Variants in L3HYPDH observed in about 807,000 individuals in gnomAD.
L3HYPDH encodes trans-L-3-hydroxyproline dehydratase.
A neutral mutation model predicts 26.5 loss-of-function variants in L3HYPDH; 32 were observed. The ratio of observed to expected loss-of-function variants is 1.21; its 90% CI spans 0.91 to 1.62. L3HYPDH has a LOEUF of 1.62. Ranked by LOEUF, L3HYPDH falls within the 40% of genes most tolerant of loss-of-function variation. The probability of loss-of-function intolerance (pLI) is 0.00; values close to 1 mark genes in which losing one functional copy is unlikely to be tolerated. For synonymous variants in L3HYPDH, 215 were observed against 196.6 expected, an observed-to-expected ratio of 1.09 and a Z score of -0.78; for missense variants, 554 against 476.4, an observed-to-expected ratio of 1.16 and a Z score of -1.52.
intron 1 of L3HYPDH, among the ~76,000 whole-genome samples, chr14:59,480,242 A>C (rs1479599211): frequency 6.6e-6 from 1 of 152,192 alleles, no homozygotes; most frequent in African/African-American, 2.4e-5. Context: ...CCTAGAGATA[A>C]ATTTTTTCTC....
At chr14:59,496,972 G>A in the L3HYPDH span, among the ~76,000 whole-genome samples, 2 of 149,932 alleles carry the variant, frequency 1.3e-5, no homozygotes, top group African/African-American at 4.9e-5. Context: ...TCCGAAGGTT[G>A]TAGGGCTACC....
chr14:59,469,989 G>C (rs1170280485), downstream of L3HYPDH, among the ~76,000 whole-genome samples: 4 of 152,164 alleles, frequency 2.6e-5, no homozygotes, highest in Admixed American at 1.3e-4. Context: ...GATAAAGAAA[G>C]CAAAGCTAGG....
upstream of L3HYPDH, chr14:59,486,941 C>G: frequency 1.5e-6 from 1 of 659,772 alleles, no homozygotes; most frequent in Non-Finnish European, 2.6e-6. Flanking sequence ...TGGCTCATGC[C>G]TGTAATCCCA....
At chr14:59,494,927 G>T in the L3HYPDH span, 5 of 888,666 alleles carry the variant, frequency 5.6e-6, no homozygotes, top group Non-Finnish European at 7.0e-6. Context: ...TATAGATTTA[G>T]AAATCTGTAT....
At chr14:59,502,485 AGAGAGTGAGTGGGGGAAAACAT>A in the L3HYPDH span, among the ~76,000 whole-genome samples, 19 of 152,286 alleles carry the variant, frequency 1.2e-4, 1 homozygote, top group Admixed American at 7.8e-4. Context: ...TACCTTAGTG[AGAGAGTGAGTGGGGGAAAACAT>A]CTAGGAATCA....
the L3HYPDH span, among the ~76,000 whole-genome samples, chr14:59,503,528 T>G: frequency 6.6e-6 from 1 of 152,146 alleles, no homozygotes; most frequent in East Asian, 1.9e-4. Context: ...TAAAGTGGAG[T>G]TTCCCTTCTA....
At position 59,484,219 on chromosome 14, in the gene L3HYPDH, C is replaced by A. The variant is rs769790957; in HGVS notation, c.98G>T (p.Arg33Leu). The change falls in exon 1 of 5, where the codon CGT becomes CTT. Residue 33 changes from arginine (R) to leucine (L), a missense_variant. By Grantham distance (102) the Arg-to-Leu change is moderately radical (BLOSUM62 -2). Transcript: ENST00000247194. ...CTCCGGACACCCCGCCAGCACGATA[C>A]GCAAGGGCTCGCCGCCCGTGTGCAT... Reference protein sequence around the residue: ...VDMHTGGEPLRIVLAGCPEVS... With the variant: ...VDMHTGGEPLLIVLAGCPEVS... The A allele has an allele frequency of 1.3e-6, 2 of 1,598,614 alleles. No homozygotes were observed. Among genetic ancestry groups the A allele is most frequent in the Admixed American group, 3.3e-5 (2 of 59,988 alleles).
upstream of L3HYPDH, chr14:59,484,575 A>AG: frequency 1.3e-6 from 2 of 1,574,114 alleles, no homozygotes; most frequent in South Asian, 2.3e-5. Flanking sequence ...CTCGAAAAAA[A>AG]CCTTCAGGCG....
At chr14:59,486,735 C>G, upstream of L3HYPDH, 1 of 1,592,706 alleles carries the variant, frequency 6.3e-7, no homozygotes. Flanking sequence ...AACCAGCATG[C>G]CTTGGACTTT....
chr14:59,505,199 G>T, the L3HYPDH span: 1 of 1,077,188 alleles, frequency 9.3e-7, no homozygotes, highest in Non-Finnish European at 1.3e-6. Flanking sequence ...TTTTCCTGTA[G>T]TAGTCTGTCT....
Position 59,483,962 on chromosome 14 carries a change from C to G in L3HYPDH, c.355G>C (p.Gly119Arg), listed in dbSNP as rs571496171. The G allele has an allele frequency of 7.0e-6, 11 of 1,567,560 alleles. No homozygotes were observed. The highest frequency in any genetic ancestry group is 1.8e-5 in the Admixed American group (1 of 54,966). The change falls in exon 1 of 5, where the codon GGG (glycine) becomes CGG (arginine). Residue 119 changes from glycine to arginine, a missense_variant. Physicochemically the swap from Gly to Arg is moderately radical, Grantham distance 125. Coordinates refer to ENST00000247194, the MANE Select transcript of L3HYPDH (RefSeq NM_144581.2). ...CCCGCAGGGGGCGCCGGCACAAGCC[C>G]GAAGTCCAAAGCGAAGCGGCCCAGC... The part of the protein sequence containing the change: ...LALGRFALDF[G>R]LVPAPPAGTR...
At chr14:59,466,098 G>A (rs1889168260) in intron 1 of L3HYPDH, among the ~76,000 whole-genome samples, 4 of 152,200 alleles carry the variant, frequency 2.6e-5, no homozygotes, top group Admixed American at 2.6e-4. Context: ...GAGGAGCTAG[G>A]ATAGTTCCTT....
Position 59,484,406 on chromosome 14 carries a change from G to A in L3HYPDH, c.-90C>T, listed in dbSNP as rs1405048606. On this transcript the variant is annotated 5_prime_UTR_variant, in exon 1 of 5. Transcript: ENST00000247194. ...TGACTCCGCGGGAGGAGGGCGGGAC[G>A]CTAACCAGCCACGTCCGGGGGGCGG... 8.4e-6 allele frequency: 12 copies of A among 1,426,424 alleles called. No individual in the cohort carries two copies. Among genetic ancestry groups the A allele is most frequent in the South Asian group, 2.5e-5 (2 of 78,776 alleles). 88.4% of individuals were successfully genotyped at this position (1,426,424 alleles called of 1,614,324 possible).
rs1219282648 is a variant in L3HYPDH, at chr14:59,479,026, C to A, written c.678+156G>T. The A allele has an allele frequency of 1.2e-5, 7 of 567,498 alleles. 1 individual carries two copies. The highest frequency in any genetic ancestry group is 2.0e-5 in the Non-Finnish European group (7 of 352,982). The allele number at this position is 567,498 out of a possible 1,614,324, so 35.2% of individuals were successfully genotyped here. On this transcript the variant is annotated intron_variant, in intron 2 of 4. Coordinates refer to ENST00000247194, the MANE Select transcript of L3HYPDH (RefSeq NM_144581.2). The stretch of plus-strand genomic sequence containing the variant: ...TGTGGCTCACAGGCCACGGGTGGGA[C>A]AAGCTTGCTCTAGAGCCTAAGATTT...
intron 1 of L3HYPDH, among the ~76,000 whole-genome samples, chr14:59,481,366 A>C (rs1477899502): frequency 6.6e-6 from 1 of 152,188 alleles, no homozygotes; most frequent in African/African-American, 2.4e-5. Flanking sequence ...TACAGCCCTG[A>C]GAGGTAGGTA....
chr14:59,492,898 C>T, the L3HYPDH span, among the ~76,000 whole-genome samples: 16 of 151,070 alleles, frequency 1.1e-4, no homozygotes, highest in African/African-American at 3.9e-4. Context: ...CCCAGGTTCA[C>T]GTCATTCTCC....
At chr14:59,470,273 A>G (rs1889278870), downstream of L3HYPDH, among the ~76,000 whole-genome samples, 1 of 152,210 alleles carries the variant, frequency 6.6e-6, no homozygotes, top group Non-Finnish European at 1.5e-5. Flanking sequence ...AACCAGCAAC[A>G]TTAGCATCGC....
intron 4 of L3HYPDH, 88 bp downstream of exon 4, chr14:59,475,781 G>A (rs1889584079): frequency 7.8e-7 from 1 of 1,289,934 alleles, no homozygotes; most frequent in East Asian, 2.3e-5. Flanking sequence ...TGAGAGCTGA[G>A]TGAAGAAATT....
At chr14:59,467,301 T>C (rs1305585637) in intron 1 of L3HYPDH, among the ~76,000 whole-genome samples, 1 of 152,158 alleles carries the variant, frequency 6.6e-6, no homozygotes, top group Non-Finnish European at 1.5e-5. Flanking sequence ...TTCTAGGATA[T>C]TGGAGATGGG....
Sources: gnomAD v4.1 joint callset for allele counts (sites outside exome capture counted in the v4.1 genomes callset) on GRCh38, gnomAD v4.1.1 for gene constraint, MANE v1.5 for transcripts, NCBI Gene and HGNC (gene_info 2026-07-23, HGNC 2026-07-21) for gene names.